Variants in RGPD3 observed in about 807,000 individuals in gnomAD.
The protein encoded by RGPD3 is RANBP2 like and GRIP domain containing 3.
In RGPD3, 62 loss-of-function variants were observed where a neutral mutation model predicts 154.5. That is an observed-to-expected ratio of 0.40 (90% confidence interval 0.33 to 0.50). RGPD3 has a LOEUF of 0.50. Among genes scored for constraint, RGPD3 ranks in the 20% least tolerant of loss-of-function variants. RGPD3 has a pLI of 0.59. For synonymous variants in RGPD3, 308 were observed against 607.0 expected, an observed-to-expected ratio of 0.51 and a Z score of 7.24; for missense variants, 919 against 1,716.8, an observed-to-expected ratio of 0.54 and a Z score of 8.21.
upstream of RGPD3, among the ~76,000 whole-genome samples, chr2:106,468,534 C>G (rs974654735): frequency 4.6e-5 from 7 of 152,166 alleles, no homozygotes; most frequent in Admixed American, 3.9e-4. Flanking sequence ...CGCCGGGCGC[C>G]GTGGCTCACG....
intron 22 of RGPD3, chr2:106,412,646 G>A: frequency 2.8e-6 from 1 of 362,340 alleles, no homozygotes. Flanking sequence ...CCTAGAAAGT[G>A]GACTGCTGTA....
chr2:106,442,497 G>GAA (rs200777302), intron 7 of RGPD3, among the ~76,000 whole-genome samples: 8,740 of 98,840 alleles, frequency 0.088, 586 homozygotes, highest in Non-Finnish European at 0.14. Context: ...AATAACCTAT[G>GAA]AAAAAAAAAA....
upstream of RGPD3, among the ~76,000 whole-genome samples, chr2:106,469,426 T>C (rs1264773316): frequency 6.6e-6 from 1 of 152,238 alleles, no homozygotes; most frequent in Admixed American, 6.5e-5. Flanking sequence ...CAATTCCCCC[T>C]TTCAATGTTC....
chr2:106,412,306 T>TGTTTTTTTTG (rs1558833025), intron 22 of RGPD3, among the ~76,000 whole-genome samples: 165 of 80,140 alleles, frequency 2.1e-3, no homozygotes, highest in Non-Finnish European at 2.6e-3. Context: ...TTTTTTTTTT[T>TGTTTTTTTTG]TTTTTTTTTT....
rs1677548745 is a variant in RGPD3 at position 106,436,252 on chromosome 2, A to G, written c.1635-6T>C. On this transcript the variant is annotated splice_region_variant and splice_polypyrimidine_tract_variant and intron_variant, in intron 11 of 22. Transcript: ENST00000409886. ...ATTTTGCTGAGTTTCCAGGTCTAAA[A>G]AATAGTTCAATTTACTAAAATTGCT... is the stretch of plus-strand genomic sequence containing the variant. The G allele has an allele frequency of 6.2e-7, 1 of 1,611,820 alleles. No homozygotes were observed. Among genetic ancestry groups the G allele is most frequent in the African/African-American group, 1.3e-5 (1 of 74,830 alleles).
At chr2:106,411,224 A>G (rs2104443028) in intron 22 of RGPD3, among the ~76,000 whole-genome samples, 1 of 135,192 alleles carries the variant, frequency 7.4e-6, no homozygotes, top group Admixed American at 8.1e-5. Context: ...ATTAGGGTTT[A>G]CAGGGGATGG....
intron 7 of RGPD3, among the ~76,000 whole-genome samples, chr2:106,444,737 G>A (rs1677854217): frequency 6.6e-6 from 1 of 150,870 alleles, no homozygotes; most frequent in East Asian, 1.9e-4. Context: ...TGAAGCAGGA[G>A]AGGATCACTT....
chr2:106,437,611 T>A (rs1677602610), intron 9 of RGPD3, among the ~76,000 whole-genome samples: 1 of 152,226 alleles, frequency 6.6e-6, no homozygotes, highest in East Asian at 1.9e-4. Flanking sequence ...GACTTAAAGA[T>A]GTTCATGTCC....
chr2:106,422,946 T>C, intron 20 of RGPD3, 97 bp downstream of exon 20: 1 of 1,599,574 alleles, frequency 6.3e-7, no homozygotes, highest in Non-Finnish European at 8.5e-7. Flanking sequence ...CAAAGCATCG[T>C]TCATATCCCA....
At chr2:106,414,854 C>T (rs1375486520) in intron 21 of RGPD3, among the ~76,000 whole-genome samples, 6 of 151,610 alleles carry the variant, frequency 4.0e-5, no homozygotes, top group Middle Eastern at 3.2e-3. Context: ...AGTGGCAGGA[C>T]AGATCTATTA....
At chr2:106,470,892 G>A (rs1231888369), upstream of RGPD3, 4 of 1,591,100 alleles carry the variant, frequency 2.5e-6, no homozygotes, top group Non-Finnish European at 3.4e-6. Flanking sequence ...GTTGGACATC[G>A]TCAGAGAGGG....
At chr2:106,421,244 T>C (rs1676977355) in intron 20 of RGPD3, among the ~76,000 whole-genome samples, 1 of 151,962 alleles carries the variant, frequency 6.6e-6, no homozygotes, top group South Asian at 2.1e-4. Context: ...ATTATCAGAT[T>C]CAAAACAGAA....
At position 106,423,765 on chromosome 2, in the gene RGPD3, T is replaced by C. The variant is rs1290601380; in HGVS notation, c.4202A>G (p.Gln1401Arg). ...KHVRILMRRDQVLKLCANHRI... is the reference protein window; with the variant it reads ...KHVRILMRRDRVLKLCANHRI... ...GTGATTGGCACAAAGTTTTAATACTTGGTCCCTTCTCATCAGTATACGAAC... is the reference window on the plus strand; with the variant it reads ...GTGATTGGCACAAAGTTTTAATACTCGGTCCCTTCTCATCAGTATACGAAC... Residue 1401 changes from glutamine to arginine, a missense_variant, in exon 20 of 23, where the codon CAA becomes CGA. By Grantham distance (43) the Gln-to-Arg change is conservative (BLOSUM62 1). Coordinates refer to ENST00000409886, the MANE Select transcript of RGPD3 (RefSeq NM_001144013.2). 1.2e-6 allele frequency: 2 copies of C among 1,611,974 alleles called. No homozygotes were observed. The highest frequency in any genetic ancestry group is 1.7e-6 in the Non-Finnish European group (2 of 1,179,864).
At chr2:106,464,865 A>G (rs1404404596) in intron 1 of RGPD3, among the ~76,000 whole-genome samples, 23 of 150,808 alleles carry the variant, frequency 1.5e-4, no homozygotes, top group Admixed American at 4.6e-4. Context: ...GTGGGACTAC[A>G]GGCGCTGCCA....
chr2:106,468,406 A>C lies in RGPD3; in HGVS notation c.-118T>G. ...GAGGCAGCGGCGTAGCCGGCGGAGG[A>C]CCACTGTGACGAACTTGTGTCCTGC... On this transcript the variant is annotated 5_prime_UTR_variant, in exon 1 of 23. Transcript: ENST00000409886. 6.5e-7 allele frequency: 1 copy of C among 1,526,898 alleles called. No individual in the cohort carries two copies. The highest frequency in any genetic ancestry group is 8.8e-7 in the Non-Finnish European group (1 of 1,133,986). The allele number at this position is 1,526,898 out of a possible 1,614,324, so 94.6% of individuals were successfully genotyped here. A position where few individuals can be genotyped will look rare whatever the true frequency, so the allele number is the denominator to read the frequency against.
intron 20 of RGPD3, among the ~76,000 whole-genome samples, chr2:106,420,888 G>A (rs1201057910): frequency 6.6e-6 from 1 of 152,198 alleles, no homozygotes; most frequent in African/African-American, 2.4e-5. Context: ...TGATCCCTCT[G>A]CCTCAGCCTC....
intron 7 of RGPD3, among the ~76,000 whole-genome samples, chr2:106,443,087 CTAA>C (rs1264054476): frequency 9.3e-5 from 14 of 150,682 alleles, no homozygotes; most frequent in African/African-American, 3.4e-4. Flanking sequence ...AGCATCCAAA[CTAA>C]TGAGAATACC....
chr2:106,429,352 T>A lies in RGPD3; in HGVS notation c.2605+294A>T, dbSNP rs1677295767. On this transcript the variant is annotated intron_variant, in intron 18 of 22. Transcript: ENST00000409886. ...TTAAGCATTTCTTAGTGCATAACTC[T>A]ATTCAATAACATTTTTCAATTTAAG... Among the ~76,000 whole-genome samples the A allele has an allele frequency of 2.6e-5, 4 of 151,766 alleles. No individual in the cohort carries two copies. The South Asian group carries it at 8.5e-4, about 32-fold the overall frequency.
At chr2:106,465,379 AC>A (rs1558864174) in intron 1 of RGPD3, among the ~76,000 whole-genome samples, 1 of 151,922 alleles carries the variant, frequency 6.6e-6, no homozygotes, top group Admixed American at 6.6e-5. Flanking sequence ...GGAAAAAAAG[AC>A]TCTAAGTGTA....
Sources: allele counts gnomAD v4.1 joint callset (sites outside exome capture counted in the v4.1 genomes callset), GRCh38; gene constraint gnomAD v4.1.1; transcripts MANE v1.5; gene names NCBI Gene and HGNC (gene_info 2026-07-23, HGNC 2026-07-21).